Variants in ARHGEF11 observed in about 807,000 individuals in gnomAD.
ARHGEF11 encodes Rho guanine exchange factor (GEF) 11.
ARHGEF11 carries 55 observed loss-of-function variants against 193.7 expected under a neutral mutation model. That is an observed-to-expected ratio of 0.28 (90% CI 0.23 to 0.36). ARHGEF11 has a LOEUF of 0.36. ARHGEF11 is among the 10% of genes least tolerant of loss of function. The probability of loss-of-function intolerance (pLI) is 1.00; values close to 1 mark genes in which losing one functional copy is unlikely to be tolerated. For missense variants in ARHGEF11, 1,723 were observed against 2,005.6 expected (o/e 0.86, Z 2.69); for synonymous variants, 693 against 768.0 (o/e 0.90, Z 1.62).
chr1:156,945,066 C>A lies in ARHGEF11; in HGVS notation c.2944G>T (p.Ala982Ser), dbSNP rs201704289. ...RLEGYQKRLD[A>S]TALERASNPL... ...TTGCTGGCCCTCTCCAGGGCGGTGG[C>A]ATCCAGGCGTTTCTGGTAGCCCTCT... Residue 982 changes from alanine (A) to serine (S), a missense_variant, in exon 30 of 41, where the codon GCC becomes TCC. By Grantham distance (99) the Ala-to-Ser change is moderately conservative (BLOSUM62 1). This residue lies in a region of ARHGEF11 where 491 missense variants were observed against 654.5 expected (regional missense o/e 0.75). Coordinates refer to ENST00000368194, the MANE Select transcript of ARHGEF11 (RefSeq NM_198236.3). 2.5e-6 allele frequency: 4 copies of A among 1,614,190 alleles called. No homozygotes were observed. The highest frequency in any genetic ancestry group is 3.4e-6 in the Non-Finnish European group (4 of 1,180,018).
chr1:156,944,866 A>G (rs1300597587), intron 30 of ARHGEF11, among the ~76,000 whole-genome samples, 153 bp downstream of exon 30: 1 of 152,168 alleles, frequency 6.6e-6, no homozygotes, highest in Non-Finnish European at 1.5e-5. Context: ...CAGGGTGACA[A>G]TAGCAGGGTG....
In ARHGEF11 at chr1:156,960,469, C is replaced by A. The variant is rs1191252472; in HGVS notation, c.1240-9G>T. 1.9e-6 allele frequency: 3 copies of A among 1,614,066 alleles called. No homozygotes were observed. Reference sequence around the variant, plus strand: ...ATCTTCACTCTCAGAGGCTAAAAAACAGAAGTGTGGAGCAGAAGCAGTCAG... The same window carrying A: ...ATCTTCACTCTCAGAGGCTAAAAAAAAGAAGTGTGGAGCAGAAGCAGTCAG... On this transcript the variant is annotated splice_polypyrimidine_tract_variant and intron_variant, in intron 14 of 40. Coordinates refer to ENST00000368194, the MANE Select transcript of ARHGEF11 (RefSeq NM_198236.3).
At chr1:156,939,403 G>T in intron 37 of ARHGEF11, 145 bp downstream of exon 37, 1 of 1,116,382 alleles carries the variant, frequency 9.0e-7, no homozygotes, top group Non-Finnish European at 1.3e-6. Context: ...TGATATCGGC[G>T]TTGTCTCCTT....
intron 20 of ARHGEF11, 136 bp from the exon 21 acceptor site, chr1:156,955,057 T>C: frequency 1.4e-6 from 1 of 727,864 alleles, no homozygotes; most frequent in Non-Finnish European, 2.2e-6. Context: ...GAAGAATCTC[T>C]TTCCGTTTCC....
chr1:156,964,584 T>A (rs1337559853), intron 11 of ARHGEF11, among the ~76,000 whole-genome samples: 1 of 152,148 alleles, frequency 6.6e-6, no homozygotes, highest in Non-Finnish European at 1.5e-5. Flanking sequence ...TTTTCCTGGA[T>A]ATTTATGGTC....
intron 1 of ARHGEF11, among the ~76,000 whole-genome samples, chr1:156,989,129 G>T (rs945507): frequency 2.0e-5 from 3 of 151,920 alleles, no homozygotes; most frequent in East Asian, 3.9e-4. Flanking sequence ...CCTAAACCTG[G>T]GGGTATGGAG....
At chr1:157,031,110 TG>T (rs1047814321) in intron 1 of ARHGEF11, among the ~76,000 whole-genome samples, 5 of 152,202 alleles carry the variant, frequency 3.3e-5, no homozygotes, top group African/African-American at 1.2e-4. Flanking sequence ...AACACTTGCT[TG>T]TTGTCTCTCT....
chr1:157,017,172 T>C (rs1280178414), intron 1 of ARHGEF11, among the ~76,000 whole-genome samples: 3 of 152,216 alleles, frequency 2.0e-5, no homozygotes, highest in Non-Finnish European at 4.4e-5. Flanking sequence ...TTCTTATCAA[T>C]GACCTCCAAG....
In ARHGEF11 at chr1:156,946,053, T is replaced by A. The variant is rs1428455144; in HGVS notation, c.2804A>T (p.His935Leu). The part of the protein sequence containing the change: ...YPLLLESIIK[H>L]TEGGTSEHEK... ...CCCTCCCCAGGTGCTACCCTCTGTGTGCTTGATGATGCTCTCCAGCAGCAG... is the reference window on the plus strand; with the variant it reads ...CCCTCCCCAGGTGCTACCCTCTGTGAGCTTGATGATGCTCTCCAGCAGCAG... The change falls in exon 29 of 41, where the codon CAC becomes CTC. Residue 935 changes from histidine (H) to leucine (L), a missense_variant. This residue lies in a region of ARHGEF11 where 491 missense variants were observed against 654.5 expected (regional missense o/e 0.75). Transcript: ENST00000368194. 6.2e-7 allele frequency: 1 copy of A among 1,613,146 alleles called. No individual in the cohort carries two copies. Among genetic ancestry groups the A allele is most frequent in the Non-Finnish European group, 8.5e-7 (1 of 1,179,558 alleles).
chr1:157,034,456 C>G (rs1483400023), intron 1 of ARHGEF11, among the ~76,000 whole-genome samples: 5 of 152,246 alleles, frequency 3.3e-5, no homozygotes, highest in Non-Finnish European at 7.3e-5. Flanking sequence ...CCCAACAAGG[C>G]TGCTCTGTCC....
chr1:156,967,728 G>A (rs12140059), intron 11 of ARHGEF11, among the ~76,000 whole-genome samples: 1 of 152,180 alleles, frequency 6.6e-6, no homozygotes, highest in African/African-American at 2.4e-5. Flanking sequence ...CCAGCTATCC[G>A]CTCCTTAGCT....
chr1:157,022,964 A>G (rs1011021439), intron 1 of ARHGEF11, among the ~76,000 whole-genome samples: 1 of 152,218 alleles, frequency 6.6e-6, no homozygotes, highest in African/African-American at 2.4e-5. Context: ...AAAAGTACGA[A>G]GTTGGACCCC....
rs1458227970 is a variant in ARHGEF11 at position 156,934,843 on chromosome 1, A to G, written c.*1157T>C. 1 of 151,686 alleles carries G rather than the reference A, an allele frequency of 6.6e-6. No individual in the cohort carries two copies. The highest frequency in any genetic ancestry group is 1.9e-4 in the East Asian group (1 of 5,184). 9.4% of individuals were successfully genotyped at this position (151,686 alleles called of 1,614,324 possible). A position where few individuals can be genotyped will look rare whatever the true frequency, so the allele number is the denominator to read the frequency against. On this transcript the variant is annotated 3_prime_UTR_variant, in exon 41 of 41. Coordinates refer to ENST00000368194, the MANE Select transcript of ARHGEF11 (RefSeq NM_198236.3). ...CAAGAAACACACACACCACCACTGA[A>G]GGATATTTAACTTTTCTTAAAAAAA... is the stretch of plus-strand genomic sequence containing the variant.
chr1:156,988,244 G>A (rs1390908942), intron 1 of ARHGEF11, among the ~76,000 whole-genome samples: 1 of 152,204 alleles, frequency 6.6e-6, no homozygotes, highest in Non-Finnish European at 1.5e-5. Context: ...AGCAGAGAGG[G>A]TCTTGCTGCT....
Position 157,044,291 on chromosome 1 carries a change from A to T in ARHGEF11, c.32+8T>A, listed in dbSNP as rs1400590901. On this transcript the variant is annotated splice_region_variant and intron_variant, in intron 1 of 40. Transcript: ENST00000368194. Reference sequence around the variant, plus strand: ...AATGTTGAAAAATCAAATTATTAGCAAACCTACCTGTCTATACTCTGGGGT... The same window carrying T: ...AATGTTGAAAAATCAAATTATTAGCTAACCTACCTGTCTATACTCTGGGGT... 1 of 1,612,258 alleles carries T rather than the reference A, an allele frequency of 6.2e-7. No individual in the cohort carries two copies. The highest frequency in any genetic ancestry group is 1.7e-5 in the Admixed American group (1 of 59,836).
intron 1 of ARHGEF11, among the ~76,000 whole-genome samples, chr1:156,997,028 GTTAAAAAAAATTTT>G (rs1416512321): frequency 1.5e-4 from 22 of 151,346 alleles, no homozygotes; most frequent in Admixed American, 1.2e-3. Flanking sequence ...TATCTGGCTA[GTTAAAAAAAATTTT>G]TTTTTTTGTA....
chr1:156,990,439 T>C (rs1665543944), intron 1 of ARHGEF11, among the ~76,000 whole-genome samples: 1 of 152,204 alleles, frequency 6.6e-6, no homozygotes, highest in African/African-American at 2.4e-5. Flanking sequence ...GGGATGATAT[T>C]TTGAGACTGC....
At chr1:157,045,931 GC>G (rs1378353745), upstream of ARHGEF11, among the ~76,000 whole-genome samples, 1 of 150,290 alleles carries the variant, frequency 6.7e-6, no homozygotes, top group African/African-American at 2.4e-5. Context: ...CCGCCCGCCG[GC>G]CTTTCCCCTC....
chr1:157,017,465 T>C lies in ARHGEF11; in HGVS notation c.32+26834A>G, dbSNP rs533484592. ...GCTCATGCCTGCAAACCCAGCCCTT[T>C]GGGAGGTCGAGGCAGGTGGATCACG... is the stretch of plus-strand genomic sequence containing the variant. On this transcript the variant is annotated intron_variant, in intron 1 of 40. Coordinates refer to ENST00000368194, the MANE Select transcript of ARHGEF11 (RefSeq NM_198236.3). Among the ~76,000 whole-genome samples, 35 of 152,166 alleles carry C rather than the reference T, an allele frequency of 2.3e-4. No individual in the cohort carries two copies. The South Asian group carries it at 2.5e-3, about 11-fold the overall frequency.
Sources: gnomAD v4.1 joint callset for allele counts (sites outside exome capture counted in the v4.1 genomes callset) on GRCh38, gnomAD v4.1.1 for gene constraint, gnomAD v4.1.1 regional missense constraint, MANE v1.5 for transcripts, NCBI Gene and HGNC (gene_info 2026-07-23, HGNC 2026-07-21) for gene names.